The following AGBL1 variants were observed in gnomAD, a reference collection of about 807,000 sequenced individuals.
The protein encoded by AGBL1 is AGBL carboxypeptidase 1.
In AGBL1, 130 loss-of-function variants were observed where a neutral mutation model predicts 118.9. The observed-to-expected ratio is 1.09, with a 90% CI of 0.95 to 1.26. The LOEUF (loss-of-function observed/expected upper bound fraction) is 1.26, where lower values mean the gene tolerates loss of function less well. Among genes scored for constraint, AGBL1 ranks in the 50% most tolerant of loss-of-function variants. AGBL1 has a pLI of 0.00. For synonymous variants in AGBL1, 555 were observed against 478.9 expected (o/e 1.16, Z -2.08); for missense variants, 1,584 against 1,298.1 (o/e 1.22, Z -3.38).
rs140589649 is a variant in AGBL1, at chr15:86,283,141, G to A, written c.2220+3358G>A. 5.9e-4 allele frequency among the ~76,000 whole-genome samples: 90 copies of A among 152,206 alleles called. 1 individual carries two copies. The East Asian group carries it at 0.013, about 23-fold the overall frequency. On this transcript the variant is annotated intron_variant, in intron 16 of 22. Transcript: ENST00000614907. ...CAAAAAAGCTCTATTTTAATCAGCC[G>A]TATCAAGTTATCAGTAATTGTAATG...
chr15:86,610,067 T>C (rs1319933255), intron 21 of AGBL1, among the ~76,000 whole-genome samples: 1 of 152,198 alleles, frequency 6.6e-6, no homozygotes, highest in African/African-American at 2.4e-5. Flanking sequence ...CATCAAACTT[T>C]TAATGTCTCT....
chr15:86,417,272 A>C (rs2081708577), intron 18 of AGBL1, among the ~76,000 whole-genome samples: 1 of 152,166 alleles, frequency 6.6e-6, no homozygotes, highest in South Asian at 2.1e-4. Context: ...CAGTAAGTTG[A>C]ATTACTCTTC....
At chr15:86,343,003 A>T (rs1391821855) in intron 17 of AGBL1, among the ~76,000 whole-genome samples, 1 of 152,162 alleles carries the variant, frequency 6.6e-6, no homozygotes, top group Non-Finnish European at 1.5e-5. Flanking sequence ...CACCATTCAG[A>T]TTGGCATATA....
intron 5 of AGBL1, among the ~76,000 whole-genome samples, chr15:86,220,520 C>T (rs755943980): frequency 2.0e-5 from 3 of 152,098 alleles, no homozygotes; most frequent in Non-Finnish European, 2.9e-5. Flanking sequence ...TGAACTGTTG[C>T]AATTCTGTTG....
At chr15:86,170,361 G>C (rs2077397140) in intron 5 of AGBL1, among the ~76,000 whole-genome samples, 1 of 152,052 alleles carries the variant, frequency 6.6e-6, no homozygotes, top group African/African-American at 2.4e-5. Flanking sequence ...GTGAACTATG[G>C]GACAACTTCA....
At chr15:86,112,526 T>C (rs1033567441) in intron 1 of AGBL1, among the ~76,000 whole-genome samples, 1 of 152,214 alleles carries the variant, frequency 6.6e-6, no homozygotes, top group Non-Finnish European at 1.5e-5. Flanking sequence ...GTGTTTTCAA[T>C]TTTTCACGAT....
At chr15:86,273,472 C>A (rs2079194337) in intron 15 of AGBL1, among the ~76,000 whole-genome samples, 1 of 152,140 alleles carries the variant, frequency 6.6e-6, no homozygotes, top group African/African-American at 2.4e-5. Flanking sequence ...AACATATTCC[C>A]AATACTGTGA....
At chr15:86,545,851 C>A in intron 19 of AGBL1, 151 bp from the exon 20 acceptor site, 2 of 869,236 alleles carry the variant, frequency 2.3e-6, no homozygotes, top group Non-Finnish European at 3.5e-6. Flanking sequence ...GTGATCCGCA[C>A]ATGGCTGGTC....
At chr15:86,736,253 G>A (rs2077596830) in intron 22 of AGBL1, among the ~76,000 whole-genome samples, 1 of 152,058 alleles carries the variant, frequency 6.6e-6, no homozygotes, top group African/African-American at 2.4e-5. Flanking sequence ...GGTGGTGCAT[G>A]CCTGTAAGCC....
chr15:86,593,848 C>A (rs1282173441), intron 21 of AGBL1, among the ~76,000 whole-genome samples: 5 of 152,014 alleles, frequency 3.3e-5, no homozygotes, highest in African/African-American at 1.2e-4. Flanking sequence ...TAAATGGAAT[C>A]ATACAATATG....
intron 7 of AGBL1, among the ~76,000 whole-genome samples, chr15:86,255,826 A>T (rs539739239): frequency 6.6e-6 from 1 of 152,238 alleles, no homozygotes; most frequent in East Asian, 1.9e-4. Flanking sequence ...TCATTTGGGT[A>T]GCTTAAATTC....
intron 5 of AGBL1, among the ~76,000 whole-genome samples, chr15:86,160,855 G>A (rs4887334): frequency 0.41 from 62,035 of 151,974 alleles, 13,012 homozygotes; most frequent in South Asian, 0.54. Context: ...TTCCCACATA[G>A]CCATGGGTAT....
chr15:86,086,684 A>G (rs542861805), intron 1 of AGBL1, among the ~76,000 whole-genome samples: 204 of 152,258 alleles, frequency 1.3e-3, no homozygotes, highest in African/African-American at 2.3e-3. Context: ...ACATCTATGG[A>G]GTAACCTACA....
chr15:86,763,584 T>A (rs946909875), intron 22 of AGBL1, among the ~76,000 whole-genome samples: 2 of 151,976 alleles, frequency 1.3e-5, no homozygotes, highest in African/African-American at 4.8e-5. Context: ...TGACTTTAAA[T>A]CTAGGATGTT....
At chr15:86,228,685 G>A (rs2078406269) in intron 6 of AGBL1, among the ~76,000 whole-genome samples, 1 of 152,176 alleles carries the variant, frequency 6.6e-6, no homozygotes, top group African/African-American at 2.4e-5. Flanking sequence ...CACCTGCATT[G>A]CATTTGGAAG....
chr15:86,262,881 C>T lies in AGBL1; in HGVS notation c.1073C>T (p.Ser358Phe). The change falls in exon 10 of 23, where the codon TCC becomes TTC. Residue 358 changes from serine (S) to phenylalanine (F), a missense_variant. Transcript: ENST00000614907. Reference protein sequence around the residue: ...MQYEVMCLELSYSFEELQSKL... With the variant: ...MQYEVMCLELFYSFEELQSKL... ...TATGAGGTGATGTGTCTTGAGCTCT[C>T]CTATAGCTTTGAGGTAGGACATATG... is the stretch of plus-strand genomic sequence containing the variant. The T allele has an allele frequency of 6.2e-7, 1 of 1,605,642 alleles. No homozygotes were observed. The highest frequency in any genetic ancestry group is 8.5e-7 in the Non-Finnish European group (1 of 1,175,652).
At chr15:87,031,305 T>G (rs907614198), downstream of AGBL1, among the ~76,000 whole-genome samples, 3 of 152,050 alleles carry the variant, frequency 2.0e-5, no homozygotes, top group East Asian at 1.9e-4. Context: ...ACGGCAAAAT[T>G]GGAAAAAGAA....
At position 86,279,733 on chromosome 15, in the gene AGBL1, G is replaced by A. The variant is rs937732927; in HGVS notation, c.2170G>A (p.Asp724Asn). Reference protein sequence around the residue: ...TFAVTFPHSEDVCYLAYHYPY... With the variant: ...TFAVTFPHSENVCYLAYHYPY... ...TGCTGTCACCTTCCCACACAGTGAG[G>A]ATGTCTGCTACCTGGCCTACCACTA... The change falls in exon 16 of 23, where the codon GAT becomes AAT. Residue 724 changes from aspartate (D) to asparagine (N), a missense_variant. By Grantham distance (23) the Asp-to-Asn change is conservative. Transcript: ENST00000614907. 1 of 1,613,714 alleles carries A rather than the reference G, an allele frequency of 6.2e-7. No homozygotes were observed. Among genetic ancestry groups the A allele is most frequent in the Non-Finnish European group, 8.5e-7 (1 of 1,179,804 alleles).
At position 86,148,054 on chromosome 15, in the gene AGBL1, G is replaced by C. The variant is rs144380576; in HGVS notation, c.262+4209G>C. Among the ~76,000 whole-genome samples the C allele has an allele frequency of 4.4e-3, 673 of 152,340 alleles. 5 individuals carry two copies. Among genetic ancestry groups the C allele is most frequent in the African/African-American group, 0.016 (646 of 41,576 alleles). On this transcript the variant is annotated intron_variant, in intron 3 of 22. Transcript: ENST00000614907. ...AGTTGAGGGACCTGACTGTCAGGAG[G>C]AAAGCTAACAAACAGAAAGGAATAG... is the stretch of plus-strand genomic sequence containing the variant.
Sources: gnomAD v4.1 joint callset for allele counts (sites outside exome capture counted in the v4.1 genomes callset) on GRCh38, gnomAD v4.1.1 for gene constraint, MANE v1.5 for transcripts, NCBI Gene and HGNC (gene_info 2026-07-23, HGNC 2026-07-21) for gene names.